The following MARK4 variants were observed in gnomAD, a reference collection of about 807,000 sequenced individuals.
MARK4 encodes the protein microtubule affinity regulating kinase 4.
A neutral mutation model predicts 81.5 loss-of-function variants in MARK4; 19 were observed. The ratio of observed to expected loss-of-function variants is 0.23; its 90% CI spans 0.16 to 0.34. The LOEUF (loss-of-function observed/expected upper bound fraction) is 0.34, where lower values mean the gene tolerates loss of function less well. MARK4 is among the 10% of genes least tolerant of loss of function. The pLI is 1.00. For synonymous variants in MARK4, 436 were observed against 439.0 expected (o/e 0.99, Z 0.08); for missense variants, 772 against 1,058.8 (o/e 0.73, Z 3.76).
intron 12 of MARK4, among the ~76,000 whole-genome samples, chr19:45,286,981 A>G (rs1970751017): frequency 1.3e-5 from 2 of 151,962 alleles, no homozygotes; most frequent in Non-Finnish European, 2.9e-5. Context: ...ATAATTTTCC[A>G]CTGTGGAAAT....
chr19:45,266,596 G>A (rs1970457160), intron 7 of MARK4, among the ~76,000 whole-genome samples: 1 of 152,130 alleles, frequency 6.6e-6, no homozygotes, highest in Admixed American at 6.6e-5. Flanking sequence ...ATGATAAGGG[G>A]TTTGTCGCTC....
chr19:45,300,538 C>T (rs1407488615), intron 16 of MARK4, among the ~76,000 whole-genome samples: 4 of 152,064 alleles, frequency 2.6e-5, no homozygotes, highest in African/African-American at 9.7e-5. Context: ...GCCAGGCACC[C>T]TGTGTCACGC....
chr19:45,297,828 G>C lies in MARK4; in HGVS notation c.1751G>C (p.Gly584Ala), dbSNP rs2123109662. Residue 584 changes from glycine to alanine, a missense_variant, in exon 15 of 17, where the codon GGT becomes GCT. Around this residue, in one of 3 missense-constraint regions of MARK4, gnomAD observed 548 missense variants for 624.3 expected, o/e 0.88. Transcript: ENST00000262891. ...GACCGGCGGGCAGGGGGTGGGGGTG[G>C]TGGGGGTGTGCAGAATGGGCCCCCT... ...VRDRRAGGGG[G>A]GGVQNGPPAS... 6.5e-7 allele frequency: 1 copy of C among 1,544,292 alleles called. No individual in the cohort carries two copies. The highest frequency in any genetic ancestry group is 8.7e-7 in the Non-Finnish European group (1 of 1,143,684).
intron 1 of MARK4, among the ~76,000 whole-genome samples, chr19:45,255,869 G>A (rs73939826): frequency 0.014 from 2,069 of 146,952 alleles, 48 homozygotes; most frequent in African/African-American, 0.048. Flanking sequence ...GAGGCCTCAG[G>A]CACCCTGAGC....
chr19:45,252,137 T>C (rs1272490707), intron 1 of MARK4, among the ~76,000 whole-genome samples: 1 of 151,648 alleles, frequency 6.6e-6, no homozygotes, highest in Non-Finnish European at 1.5e-5. Flanking sequence ...CCTCCTCTTA[T>C]TCCCAGCCCT....
intron 14 of MARK4, among the ~76,000 whole-genome samples, chr19:45,296,271 C>T (rs1970885724): frequency 6.6e-6 from 1 of 152,068 alleles, no homozygotes; most frequent in African/African-American, 2.4e-5. Context: ...AAAGTATAGA[C>T]TCAGCTAGCT....
chr19:45,253,678 C>T (rs572769066), intron 1 of MARK4, among the ~76,000 whole-genome samples: 4 of 152,246 alleles, frequency 2.6e-5, no homozygotes, highest in South Asian at 2.1e-4. Flanking sequence ...ATCTCTAAAT[C>T]GGGTTGATGA....
intron 7 of MARK4, among the ~76,000 whole-genome samples, chr19:45,270,380 A>G (rs1970510222): frequency 6.6e-6 from 1 of 152,092 alleles, no homozygotes; most frequent in South Asian, 2.1e-4. Context: ...CACTGTTATA[A>G]TTGATAGTCC....
Position 45,297,774 on chromosome 19 carries a change from G to A in MARK4, c.1697G>A (p.Arg566His), listed in dbSNP as rs1309226953. 12 of 1,580,748 alleles carry A rather than the reference G, an allele frequency of 7.6e-6. No homozygotes were observed. The highest frequency in any genetic ancestry group is 4.5e-5 in the East Asian group (2 of 44,242). The change falls in exon 15 of 17, where the codon CGC becomes CAC. Residue 566 changes from arginine to histidine, a missense_variant. Physicochemically the swap from Arg to His is conservative, Grantham distance 29. Coordinates refer to ENST00000262891, the MANE Select transcript of MARK4 (RefSeq NM_001199867.2). Reference sequence around the variant, plus strand: ...CGCCTGGCACGTGGTTCCACCATCCGCAGCACCTTCCATGGTGGCCAGGTC... The same window carrying A: ...CGCCTGGCACGTGGTTCCACCATCCACAGCACCTTCCATGGTGGCCAGGTC... ...RSRLARGSTI[R>H]STFHGGQVRD...
In MARK4 at chr19:45,271,343, G is replaced by A. The variant is rs1295178896; in HGVS notation, c.550-129G>A. 2.4e-6 allele frequency: 2 copies of A among 847,560 alleles called. No homozygotes were observed. Among genetic ancestry groups the A allele is most frequent in the African/African-American group, 3.4e-5 (2 of 59,146 alleles). 52.5% of individuals were successfully genotyped at this position (847,560 alleles called of 1,614,324 possible). A position where few individuals can be genotyped will look rare whatever the true frequency, so the allele number is the denominator to read the frequency against. ...GTTACTACCTAAGGTCAGGTAGAGA[G>A]TAAAGGACAGGCCCAAGAGTTGATC... On this transcript the variant is annotated intron_variant, in intron 7 of 16. Coordinates refer to ENST00000262891, the MANE Select transcript of MARK4 (RefSeq NM_001199867.2). This position sits in a 1 kb window ranked among gnomAD's most constrained non-coding sequence, Gnocchi z 4.1.
rs181363063 is a variant in MARK4, at chr19:45,280,644, G to A, written c.1186G>A (p.Gly396Arg). 5.6e-6 allele frequency: 9 copies of A among 1,614,134 alleles called. No homozygotes were observed. Among genetic ancestry groups the A allele is most frequent in the Non-Finnish European group, 7.6e-6 (9 of 1,180,012 alleles). Residue 396 changes from glycine (G) to arginine (R), a missense_variant, in exon 12 of 17, where the codon GGA (glycine) becomes AGA (arginine). Around this residue, in one of 3 missense-constraint regions of MARK4, gnomAD observed 548 missense variants for 624.3 expected, o/e 0.88. Transcript: ENST00000262891. Reference sequence around the variant, plus strand: ...GCGGGCGCCCAGCGACACCACCAACGGAACAAGTTCCAGCAAAGGCACCAG... The same window carrying A: ...GCGGGCGCCCAGCGACACCACCAACAGAACAAGTTCCAGCAAAGGCACCAG... ...RVRAPSDTTNGTSSSKGTSHS... is the reference protein window; with the variant it reads ...RVRAPSDTTNRTSSSKGTSHS...
intron 13 of MARK4, among the ~76,000 whole-genome samples, chr19:45,289,442 T>C (rs892903144): frequency 6.8e-6 from 1 of 146,858 alleles, no homozygotes; most frequent in African/African-American, 2.5e-5. Flanking sequence ...CACAAAATAC[T>C]TATAGTTATC....
chr19:45,272,803 G>A (rs971930601), intron 8 of MARK4, among the ~76,000 whole-genome samples: 3 of 151,962 alleles, frequency 2.0e-5, no homozygotes, highest in Non-Finnish European at 4.4e-5. Flanking sequence ...CAGGAGAATC[G>A]CTTGAACCTG....
At chr19:45,285,880 T>C (rs909054453) in intron 12 of MARK4, among the ~76,000 whole-genome samples, 8 of 152,152 alleles carry the variant, frequency 5.3e-5, no homozygotes, top group African/African-American at 1.9e-4. Flanking sequence ...AAACAGTAGA[T>C]TCCTAAGATG....
chr19:45,296,907 A>G (rs1970894608), intron 14 of MARK4, among the ~76,000 whole-genome samples: 1 of 152,142 alleles, frequency 6.6e-6, no homozygotes, highest in African/African-American at 2.4e-5. Flanking sequence ...TAAACTACCC[A>G]GGCGTGGTGC....
intron 2 of MARK4, 55 bp from the exon 3 acceptor site, chr19:45,263,058 A>T (rs1478013440): frequency 8.3e-6 from 13 of 1,561,196 alleles, no homozygotes; most frequent in Non-Finnish European, 1.1e-5. Context: ...GAGCCACCAT[A>T]TCCAGTGGGG....
chr19:45,300,694 A>G (rs749124285), intron 16 of MARK4, among the ~76,000 whole-genome samples: 3 of 152,156 alleles, frequency 2.0e-5, no homozygotes, highest in Non-Finnish European at 4.4e-5. Flanking sequence ...TTCCCGGTTT[A>G]GAGACCCAAG....
At chr19:45,266,351 CT>C (rs1568492755) in intron 7 of MARK4, 70 bp downstream of exon 7, 35 of 1,492,554 alleles carry the variant, frequency 2.3e-5, no homozygotes, top group Non-Finnish European at 3.3e-5. Flanking sequence ...GCCCCCACCC[CT>C]CCATGGTTTC....
chr19:45,285,691 C>G (rs1470145895), intron 12 of MARK4, among the ~76,000 whole-genome samples: 1 of 152,188 alleles, frequency 6.6e-6, no homozygotes, highest in Non-Finnish European at 1.5e-5. Context: ...ACACTGAGAC[C>G]TGAGTTCCAG....
Sources: allele counts gnomAD v4.1 joint callset (sites outside exome capture counted in the v4.1 genomes callset), GRCh38; gene constraint gnomAD v4.1.1; regional missense constraint gnomAD v4.1.1; non-coding constraint Gnocchi (gnomAD v3.1); transcripts MANE v1.5; gene names NCBI Gene and HGNC (gene_info 2026-07-23, HGNC 2026-07-21).